ANK3: variants seen among roughly 807,000 people sequenced by gnomAD.
The protein encoded by ANK3 is ankyrin-3.
Under a neutral mutation model 370.9 loss-of-function variants are expected in ANK3, and 57 were observed. The observed-to-expected ratio is 0.15, with a 90% CI of 0.12 to 0.19. The LOEUF (loss-of-function observed/expected upper bound fraction) is 0.19, where lower values mean the gene tolerates loss of function less well. ANK3 is among the 10% of genes least tolerant of loss of function. ANK3 has a pLI of 1.00. For missense variants in ANK3, 4,439 were observed against 5,302.1 expected (o/e 0.84, Z 5.06); for synonymous variants, 1,929 against 1,946.3 (o/e 0.99, Z 0.23).
At position 60,186,840 on chromosome 10, in the gene ANK3, C is replaced by A; in HGVS notation, c.1960G>T (p.Gly654Cys). 3.7e-6 allele frequency: 6 copies of A among 1,614,178 alleles called. No homozygotes were observed. Among genetic ancestry groups the A allele is most frequent in the Non-Finnish European group, 5.1e-6 (6 of 1,180,026 alleles). Residue 654 changes from glycine to cysteine, a missense_variant, in exon 17 of 44, where the codon GGT becomes TGT. Physicochemically the swap from Gly to Cys is radical, Grantham distance 159 (BLOSUM62 -3). Around this residue, in one of 13 missense-constraint regions of ANK3, gnomAD observed 192 missense variants for 192.1 expected, o/e 1.00. Coordinates refer to ENST00000280772, the MANE Select transcript of ANK3 (RefSeq NM_020987.5). ...CGGGTAACTGCGTTGGCATCAGCAC[C>A]ATATTCCAGCAGAGTTGTCGCTATG... Reference protein sequence around the residue: ...MDIATTLLEYGADANAVTRQG... With the variant: ...MDIATTLLEYCADANAVTRQG...
rs551135796 is a variant in ANK3, at chr10:60,501,719, A to G, written c.96+113467T>C. On this transcript the variant is annotated intron_variant, in intron 2 of 43. Transcript: ENST00000373827. The stretch of plus-strand genomic sequence containing the variant: ...AGACTCTGTCTCAAAAAAAAAAAAA[A>G]AAAAGAAAAGAAAAAGAAATGAAAA... Among the ~76,000 whole-genome samples the G allele has an allele frequency of 3.8e-3, 576 of 151,868 alleles. 2 individuals carry two copies. The highest frequency in any genetic ancestry group is 0.013 in the African/African-American group (550 of 41,414).
At chr10:60,482,694 C>T (rs547673811) in intron 2 of ANK3, among the ~76,000 whole-genome samples, 1 of 152,082 alleles carries the variant, frequency 6.6e-6, no homozygotes, top group Non-Finnish European at 1.5e-5. Flanking sequence ...ACCACATTAC[C>T]CAGACTGGTC....
intron 16 of ANK3, among the ~76,000 whole-genome samples, chr10:60,191,518 C>T (rs558912777): frequency 2.6e-4 from 40 of 152,216 alleles, no homozygotes; most frequent in African/African-American, 9.4e-4. Context: ...CAAATCAAAA[C>T]CACAATTAGA....
intron 4 of ANK3, among the ~76,000 whole-genome samples, chr10:60,276,859 C>T (rs1450623439): frequency 6.6e-6 from 1 of 152,194 alleles, no homozygotes; most frequent in Non-Finnish European, 1.5e-5. Context: ...TACCTAGCCA[C>T]ATTTCAGTAA....
Position 60,319,033 on chromosome 10 carries a change from G to A in ANK3, c.115-39394C>T, listed in dbSNP as rs544969191. On this transcript the variant is annotated intron_variant, in intron 1 of 43. Coordinates refer to ENST00000280772, the MANE Select transcript of ANK3 (RefSeq NM_020987.5). Reference sequence around the variant, plus strand: ...CGCCTTGCAGAGCCTAATGTACTTGGTAATGAGGACTTGCACTCTTGCTTG... The same window carrying A: ...CGCCTTGCAGAGCCTAATGTACTTGATAATGAGGACTTGCACTCTTGCTTG... 3.3e-5 allele frequency among the ~76,000 whole-genome samples: 5 copies of A among 152,256 alleles called. No homozygotes were observed. The South Asian group carries it at 8.3e-4, about 25-fold the overall frequency.
intron 2 of ANK3, among the ~76,000 whole-genome samples, chr10:60,411,264 G>T (rs1052011826): frequency 3.3e-5 from 5 of 152,230 alleles, no homozygotes; most frequent in African/African-American, 9.6e-5. Flanking sequence ...GGCCAGTTAT[G>T]TTCGGGGTTC....
chr10:60,360,058 T>C (rs2058356119), intron 1 of ANK3, among the ~76,000 whole-genome samples: 1 of 152,192 alleles, frequency 6.6e-6, no homozygotes, highest in Non-Finnish European at 1.5e-5. Flanking sequence ...ATATCTAAAA[T>C]ATCTAGTGTT....
chr10:60,508,638 A>C (rs1174087725), intron 2 of ANK3: 1 of 152,628 alleles, frequency 6.6e-6, no homozygotes, highest in African/African-American at 2.4e-5. Context: ...ACAAAAGGAA[A>C]AGCAGAGGTT....
chr10:60,353,175 T>TTTTTG (rs2057193228), intron 1 of ANK3, among the ~76,000 whole-genome samples: 2 of 149,704 alleles, frequency 1.3e-5, no homozygotes, highest in African/African-American at 2.5e-5. Context: ...TTTTTTTTTT[T>TTTTTG]AGAGACTGGG....
intron 2 of ANK3, among the ~76,000 whole-genome samples, chr10:60,536,452 C>T (rs533217927): frequency 7.9e-5 from 12 of 152,116 alleles, no homozygotes; most frequent in East Asian, 3.9e-4. Flanking sequence ...CTTTAAAATC[C>T]TTTTAAATAA....
At chr10:60,700,945 A>G (rs1308487460) in intron 1 of ANK3, among the ~76,000 whole-genome samples, 1 of 152,064 alleles carries the variant, frequency 6.6e-6, no homozygotes, top group African/African-American at 2.4e-5. Flanking sequence ...TAATAGTAAA[A>G]ATAAAAATGT....
At chr10:60,089,615 A>G (rs1019665929) in intron 28 of ANK3, among the ~76,000 whole-genome samples, 2 of 152,144 alleles carry the variant, frequency 1.3e-5, no homozygotes, top group Non-Finnish European at 2.9e-5. Context: ...GATTAGCAAG[A>G]GTATTTTGGA....
At chr10:60,424,575 C>T (rs2063841306) in intron 2 of ANK3, among the ~76,000 whole-genome samples, 1 of 152,004 alleles carries the variant, frequency 6.6e-6, no homozygotes, top group Admixed American at 6.6e-5. Context: ...AAAGTTATTT[C>T]TGCCCTTGAG....
rs186730621 is a variant in ANK3 at position 60,488,345 on chromosome 10, G to C, written c.96+126841C>G. Among the ~76,000 whole-genome samples the C allele has an allele frequency of 1.6e-3, 239 of 152,216 alleles. 1 individual carries two copies. Among genetic ancestry groups the C allele is most frequent in the African/African-American group, 5.5e-3 (230 of 41,516 alleles). Reference sequence around the variant, plus strand: ...TGGGAAGGTGAACAGGAAAGGGTGGGCAGACGAAGAGCTCCTGAAAAATAT... The same window carrying C: ...TGGGAAGGTGAACAGGAAAGGGTGGCCAGACGAAGAGCTCCTGAAAAATAT... On this transcript the variant is annotated intron_variant, in intron 2 of 43. Coordinates refer to the ANK3 transcript ENST00000373827.
intron 2 of ANK3, among the ~76,000 whole-genome samples, chr10:60,438,017 A>T (rs376067600): frequency 4.6e-5 from 7 of 152,182 alleles, no homozygotes; most frequent in African/African-American, 1.7e-4. Context: ...ATTTTTTCCA[A>T]ATGGAAAAGC....
intron 23 of ANK3, among the ~76,000 whole-genome samples, chr10:60,144,039 T>C (rs1166952482): frequency 1.3e-5 from 2 of 152,188 alleles, no homozygotes; most frequent in Non-Finnish European, 2.9e-5. Context: ...AGCTGAGGTG[T>C]CAGACCTTTG....
intron 1 of ANK3, among the ~76,000 whole-genome samples, chr10:60,658,312 T>G (rs1588983868): frequency 6.6e-6 from 1 of 152,088 alleles, no homozygotes; most frequent in East Asian, 1.9e-4. Flanking sequence ...AAACTCAATT[T>G]TATTGCCACT....
At chr10:60,666,859 T>C (rs2079003149) in intron 1 of ANK3, among the ~76,000 whole-genome samples, 2 of 152,164 alleles carry the variant, frequency 1.3e-5, no homozygotes, top group South Asian at 4.1e-4. Flanking sequence ...AACTCTTCTC[T>C]TAAATCTTTT....
At chr10:60,173,262 A>T in intron 18 of ANK3, 76 bp from the exon 19 acceptor site, 1 of 1,160,892 alleles carries the variant, frequency 8.6e-7, no homozygotes, top group African/African-American at 1.6e-5. Flanking sequence ...CAGAAGCAAA[A>T]TCATTATTTA....
Sources: allele counts gnomAD v4.1 joint callset (sites outside exome capture counted in the v4.1 genomes callset), GRCh38; gene constraint gnomAD v4.1.1; regional missense constraint gnomAD v4.1.1; transcripts MANE v1.5; gene names NCBI Gene and HGNC (gene_info 2026-07-23, HGNC 2026-07-21).